Variants in DLG2 observed in about 807,000 individuals in gnomAD.
The protein encoded by DLG2 is discs large MAGUK scaffold protein 2.
A neutral mutation model predicts 132.5 loss-of-function variants in DLG2; 45 were observed. The ratio of observed to expected loss-of-function variants is 0.34; its 90% CI spans 0.27 to 0.44. DLG2 has a LOEUF of 0.44. Among genes scored for constraint, DLG2 ranks in the 20% least tolerant of loss-of-function variants. DLG2 has a pLI of 1.00. For missense variants in DLG2, 1,045 were observed against 1,196.9 expected (o/e 0.87, Z 1.87); for synonymous variants, 424 against 419.6 (o/e 1.01, Z -0.13).
chr11:83,942,397 C>T (rs11233826), intron 14 of DLG2, among the ~76,000 whole-genome samples: 11,631 of 152,016 alleles, frequency 0.077, 607 homozygotes, highest in Non-Finnish European at 0.12. Context: ...ATATTAAGTA[C>T]GATCCCAATT....
chr11:84,617,070 G>A (rs2099605744), intron 6 of DLG2, among the ~76,000 whole-genome samples: 1 of 151,210 alleles, frequency 6.6e-6, no homozygotes, highest in African/African-American at 2.4e-5. Context: ...GTGCCATGGT[G>A]GTTTGATGCA....
intron 19 of DLG2, among the ~76,000 whole-genome samples, chr11:83,571,434 A>G (rs1199328742): frequency 6.6e-6 from 1 of 152,036 alleles, no homozygotes; most frequent in Non-Finnish European, 1.5e-5. Flanking sequence ...CGCTGTTAAG[A>G]TGACCTTGAA....
intron 7 of DLG2, among the ~76,000 whole-genome samples, chr11:84,385,418 TC>T (rs2098765847): frequency 1.3e-5 from 2 of 152,164 alleles, no homozygotes; most frequent in Admixed American, 1.3e-4. Flanking sequence ...AACTCATTCA[TC>T]TTCCTCTGAA....
chr11:83,617,751 C>A (rs1471464940), intron 19 of DLG2, among the ~76,000 whole-genome samples: 1 of 152,112 alleles, frequency 6.6e-6, no homozygotes, highest in Non-Finnish European at 1.5e-5. Context: ...CTGGCTCACA[C>A]CTGTAATCCC....
intron 21 of DLG2, among the ~76,000 whole-genome samples, chr11:83,497,266 G>A (rs541253904): frequency 1.3e-5 from 2 of 152,310 alleles, no homozygotes; most frequent in African/African-American, 4.8e-5. Context: ...ATACCGGCTG[G>A]GCGTGGTGGC....
intron 6 of DLG2, among the ~76,000 whole-genome samples, chr11:84,780,468 C>T (rs1307630867): frequency 1.3e-5 from 2 of 152,032 alleles, no homozygotes; most frequent in Non-Finnish European, 2.9e-5. Context: ...AGAACTGGAA[C>T]AAAGATATAT....
At chr11:84,667,486 TTTTTG>T (rs1371276241) in intron 6 of DLG2, among the ~76,000 whole-genome samples, 2 of 43,234 alleles carry the variant, frequency 4.6e-5, no homozygotes, top group African/African-American at 8.5e-5. Flanking sequence ...TTGTTTTTGT[TTTTTG>T]TTTTTTGTTT....
At chr11:84,374,296 T>A (rs2098720519) in intron 7 of DLG2, among the ~76,000 whole-genome samples, 1 of 152,198 alleles carries the variant, frequency 6.6e-6, no homozygotes, top group Non-Finnish European at 1.5e-5. Context: ...CACTTCAGGA[T>A]AATTATTGAT....
intron 18 of DLG2, among the ~76,000 whole-genome samples, chr11:83,704,539 G>A (rs1367810949): frequency 4.6e-5 from 7 of 151,416 alleles, no homozygotes; most frequent in African/African-American, 9.7e-5. Context: ...TAATTTGACC[G>A]ACTGAGGTGG....
At chr11:83,754,517 T>C (rs1283524821) in intron 18 of DLG2, among the ~76,000 whole-genome samples, 1 of 151,440 alleles carries the variant, frequency 6.6e-6, no homozygotes. Context: ...GTAACATTTA[T>C]CATTTGCATC....
At chr11:85,165,133 G>C (rs1246351219) in intron 4 of DLG2, among the ~76,000 whole-genome samples, 5 of 152,184 alleles carry the variant, frequency 3.3e-5, no homozygotes, top group African/African-American at 1.2e-4. Flanking sequence ...CGAAGAGATA[G>C]ATGATTCTCG....
intron 6 of DLG2, among the ~76,000 whole-genome samples, chr11:84,946,513 GCT>G (rs2050217716): frequency 6.6e-6 from 1 of 152,084 alleles, no homozygotes; most frequent in African/African-American, 2.4e-5. Context: ...TCTTTCAGGA[GCT>G]AGATCCTGAA....
intron 4 of DLG2, among the ~76,000 whole-genome samples, chr11:85,211,384 A>G (rs903460493): frequency 1.3e-5 from 2 of 152,184 alleles, no homozygotes; most frequent in Non-Finnish European, 2.9e-5. Flanking sequence ...ACAGTTAATA[A>G]TTTAAATCCT....
intron 11 of DLG2, among the ~76,000 whole-genome samples, chr11:84,026,247 C>G (rs918814076): frequency 1.3e-5 from 2 of 152,030 alleles, no homozygotes; most frequent in Non-Finnish European, 2.9e-5. Flanking sequence ...TTTTACCTCC[C>G]ACTGAAGTGA....
chr11:85,268,685 T>C (rs1434852792), intron 4 of DLG2, among the ~76,000 whole-genome samples: 1 of 152,214 alleles, frequency 6.6e-6, no homozygotes, highest in Admixed American at 6.5e-5. Flanking sequence ...AATGACTTTA[T>C]GTCAGGTAGC....
At chr11:84,945,034 C>T (rs895805754) in intron 6 of DLG2, among the ~76,000 whole-genome samples, 12 of 152,210 alleles carry the variant, frequency 7.9e-5, no homozygotes, top group Non-Finnish European at 1.5e-4. Flanking sequence ...GGATTACTCT[C>T]TGGTACCTGA....
chr11:85,380,524 G>T (rs1334619181), intron 3 of DLG2, among the ~76,000 whole-genome samples: 1 of 152,184 alleles, frequency 6.6e-6, no homozygotes, highest in Non-Finnish European at 1.5e-5. Flanking sequence ...ACTGGGCGTG[G>T]TGGCACATGC....
At chr11:84,046,750 C>A (rs1432255407) in intron 11 of DLG2, among the ~76,000 whole-genome samples, 1 of 151,472 alleles carries the variant, frequency 6.6e-6, no homozygotes, top group Admixed American at 6.6e-5. Flanking sequence ...AACTAGATAA[C>A]CCATAGAATT....
rs185093841 is a variant in DLG2 at position 85,005,744 on chromosome 11, C to A, written c.357+105917G>T. On this transcript the variant is annotated intron_variant, in intron 6 of 27. Transcript: ENST00000376104. ...TCTGTCTCTTGCCTGATTGCCCTGG[C>A]CAGAACTTCCAATACTATGTTGAAT... Among the ~76,000 whole-genome samples, 3 of 152,268 alleles carry A rather than the reference C, an allele frequency of 2.0e-5. No individual in the cohort carries two copies. The East Asian group carries it at 5.8e-4, about 29-fold the overall frequency.
Sources: gnomAD v4.1 joint callset for allele counts (sites outside exome capture counted in the v4.1 genomes callset) on GRCh38, gnomAD v4.1.1 for gene constraint, MANE v1.5 for transcripts, NCBI Gene and HGNC (gene_info 2026-07-23, HGNC 2026-07-21) for gene names.